Variants in ZSWIM4 observed in about 807,000 individuals in gnomAD.
The protein encoded by ZSWIM4 is zinc finger SWIM domain-containing protein 4.
ZSWIM4 carries 62 observed loss-of-function variants against 102.5 expected under a neutral mutation model. The ratio of observed to expected loss-of-function variants is 0.60; its 90% CI spans 0.49 to 0.75. The LOEUF (loss-of-function observed/expected upper bound fraction) is 0.75, where lower values mean the gene tolerates loss of function less well. ZSWIM4 is among the 30% of genes least tolerant of loss of function. The pLI, the probability that ZSWIM4 is intolerant of heterozygous loss-of-function variation, is 0.00. For missense variants in ZSWIM4, 1,280 were observed against 1,529.6 expected, an observed-to-expected ratio of 0.84 and a Z score of 2.72; for synonymous variants, 652 against 674.5, an observed-to-expected ratio of 0.97 and a Z score of 0.52.
chr19:13,800,653 C>G (rs1239870469), intron 2 of ZSWIM4, among the ~76,000 whole-genome samples: 2 of 152,232 alleles, frequency 1.3e-5, no homozygotes, highest in East Asian at 3.9e-4. Context: ...GTGATCCCCC[C>G]ACCTCGGCCT....
In ZSWIM4 at chr19:13,808,807, C is replaced by CTCAGCT. The variant is rs1223491218; in HGVS notation, c.713-26_713-21dup. On this transcript the variant is annotated intron_variant, in intron 3 of 13. Transcript: ENST00000590508. Reference sequence around the variant, plus strand: ...ACCCAACCCCAACTCCAGCCCCAGCCTCAGCTTCCTTTCCCTCCCTCCCGG... The same window carrying CTCAGCT: ...ACCCAACCCCAACTCCAGCCCCAGCCTCAGCTTCAGCTTCCTTTCCCTCCCTCCCGG... The CTCAGCT allele has an allele frequency of 1.9e-6, 3 of 1,567,440 alleles. No individual in the cohort carries two copies. In the East Asian group the frequency reaches 7.0e-5, roughly 37 times the overall value.
chr19:13,822,748 G>A (rs1212816403), intron 10 of ZSWIM4, among the ~76,000 whole-genome samples: 3 of 152,176 alleles, frequency 2.0e-5, no homozygotes, highest in Non-Finnish European at 4.4e-5. Context: ...GGGAGGCCGA[G>A]GAGGGCGGAT....
intron 2 of ZSWIM4, among the ~76,000 whole-genome samples, chr19:13,800,327 G>A (rs1200045042): frequency 3.9e-5 from 5 of 129,522 alleles, no homozygotes; most frequent in South Asian, 2.5e-4. Flanking sequence ...GTGCAGTGGC[G>A]CGATCTCGGC....
Position 13,795,569 on chromosome 19 carries a change from G to T in ZSWIM4, c.-80G>T. On this transcript the variant is annotated 5_prime_UTR_variant, in exon 1 of 14. Coordinates refer to ENST00000590508, the MANE Select transcript of ZSWIM4 (RefSeq NM_001367834.3). ...GGACGGGAAGGAGGGCAGGGGGCGCGGGAGCCGGCGAAGCGGAGCGGGCAT... is the reference window on the plus strand; with the variant it reads ...GGACGGGAAGGAGGGCAGGGGGCGCTGGAGCCGGCGAAGCGGAGCGGGCAT... The T allele has an allele frequency of 4.3e-6, 1 of 231,954 alleles. No individual in the cohort carries two copies. The highest frequency in any genetic ancestry group is 1.7e-4 in the South Asian group (1 of 5,882). 14.4% of individuals were successfully genotyped at this position (231,954 alleles called of 1,614,324 possible). A position where few individuals can be genotyped will look rare whatever the true frequency, so the allele number is the denominator to read the frequency against.
At chr19:13,823,207 C>A in intron 10 of ZSWIM4, 139 bp from the exon 11 acceptor site, 1 of 777,582 alleles carries the variant, frequency 1.3e-6, no homozygotes, top group Non-Finnish European at 2.1e-6. Context: ...ACATCTTGCA[C>A]ACACATCTTC....
Position 13,830,443 on chromosome 19 carries a change from C to T in ZSWIM4, c.2714C>T (p.Ala905Val), listed in dbSNP as rs780087615. 6.2e-6 allele frequency: 10 copies of T among 1,608,254 alleles called. No homozygotes were observed. The highest frequency in any genetic ancestry group is 1.1e-5 in the South Asian group (1 of 91,088). The change falls in exon 14 of 14, where the codon GCC becomes GTC. Residue 905 changes from alanine to valine, a missense_variant. Physicochemically the swap from Ala to Val is moderately conservative, Grantham distance 64 (BLOSUM62 0). Transcript: ENST00000590508. ...CEKNHSAFEAAYQIVLDAAAG... is the reference protein window; with the variant it reads ...CEKNHSAFEAVYQIVLDAAAG... ...AAGAACCACTCGGCCTTCGAGGCGG[C>T]CTACCAGATCGTGCTGGACGCGGCG...
At chr19:13,813,796 C>T (rs923299076) in intron 6 of ZSWIM4, among the ~76,000 whole-genome samples, 19 of 151,418 alleles carry the variant, frequency 1.3e-4, no homozygotes, top group Admixed American at 1.1e-3. Context: ...TGACGCACAC[C>T]TGGAATCCCG....
intron 3 of ZSWIM4, 91 bp from the exon 4 acceptor site, chr19:13,808,740 CAAAAA>C (rs755959483): frequency 4.9e-3 from 4,070 of 826,606 alleles, no homozygotes; most frequent in South Asian, 9.3e-3. Context: ...ACTCCGTCTC[CAAAAA>C]AAAAAAAAAA....
chr19:13,796,006 A>C (rs1599573042), intron 1 of ZSWIM4, among the ~76,000 whole-genome samples: 2 of 105,124 alleles, frequency 1.9e-5, no homozygotes, highest in African/African-American at 3.8e-5. Context: ...ACCCACCCCC[A>C]TCCCTTCTCT....
chr19:13,826,357 G>A (rs996357720), intron 12 of ZSWIM4, among the ~76,000 whole-genome samples: 2 of 152,088 alleles, frequency 1.3e-5, no homozygotes, highest in Non-Finnish European at 2.9e-5. Flanking sequence ...AGCTTCCTTG[G>A]GGGCAGGGCC....
chr19:13,830,300 A>G lies in ZSWIM4; in HGVS notation c.2571A>G (p.Arg857=), dbSNP rs746848834. 18 of 1,613,714 alleles carry G rather than the reference A, an allele frequency of 1.1e-5. No individual in the cohort carries two copies. The Admixed American group carries it at 3.0e-4, about 27-fold the overall frequency. ...VTGTTHATLL[R]LQLDTSRREE... ...GCACCACACACGCCACTCTGCTGCG[A>G]CTGCAGCTGGACACATCGCGGAGGG... is the stretch of plus-strand genomic sequence containing the variant. The change falls in exon 14 of 14, where the codon CGA becomes CGG. Residue 857 remains arginine, a synonymous_variant. Transcript: ENST00000590508.
Position 13,830,794 on chromosome 19 carries a change from T to C in ZSWIM4, c.3065T>C (p.Leu1022Pro). The stretch of plus-strand genomic sequence containing the variant: ...GGGGCACGCCGGGCCGCCAAGCCAC[T>C]GGGTGCCGACCGGGCGCCGCTCTGC... Reference protein sequence around the residue: ...PLGARRAAKPLGADRAPLCQL... With the variant: ...PLGARRAAKPPGADRAPLCQL... The change falls in exon 14 of 14, where the codon CTG (leucine) becomes CCG (proline). Residue 1022 changes from leucine (L) to proline (P), a missense_variant. By Grantham distance (98) the Leu-to-Pro change is moderately conservative. Coordinates refer to ENST00000590508, the MANE Select transcript of ZSWIM4 (RefSeq NM_001367834.3). 6.2e-7 allele frequency: 1 copy of C among 1,605,966 alleles called. No homozygotes were observed. The highest frequency in any genetic ancestry group is 8.5e-7 in the Non-Finnish European group (1 of 1,176,018).
In ZSWIM4 at chr19:13,825,655, C is replaced by A; in HGVS notation, c.2321C>A (p.Pro774Gln). The change falls in exon 12 of 14, where the codon CCG (proline) becomes CAG (glutamine). Residue 774 changes from proline to glutamine, a missense_variant. Transcript: ENST00000590508. The surrounding 1 kb of genome is among the most constrained non-coding windows in gnomAD (Gnocchi z 4.6). ...LAQDACKTAT[P>Q]VSAPPDTTLL... ...CAGGACGCCTGCAAGACAGCCACCC[C>A]GGTCAGCGCCCCACCAGACACCACG... is the stretch of plus-strand genomic sequence containing the variant. 1 of 1,613,570 alleles carries A rather than the reference C, an allele frequency of 6.2e-7. No homozygotes were observed. The highest frequency in any genetic ancestry group is 8.5e-7 in the Non-Finnish European group (1 of 1,180,028).
At chr19:13,822,163 TACACAC>T (rs59602194) in intron 10 of ZSWIM4, among the ~76,000 whole-genome samples, 13,159 of 142,174 alleles carry the variant, frequency 0.093, 588 homozygotes, top group African/African-American at 0.11. Context: ...CACACACACA[TACACAC>T]ACACACACAC....
rs1193293251 is a variant in ZSWIM4 at position 13,830,114 on chromosome 19, T to G, written c.2462-77T>G. The G allele has an allele frequency of 1.5e-5, 23 of 1,532,888 alleles. No individual in the cohort carries two copies. The Admixed American group carries it at 2.1e-4, about 14-fold the overall frequency. The allele number at this position is 1,532,888 out of a possible 1,614,324, so 95.0% of individuals were successfully genotyped here. ...GGAGGTGGAAGTGGAGGTGGCAGTGTCATGGTTAACCCACGCATACATGTA... is the reference window on the plus strand; with the variant it reads ...GGAGGTGGAAGTGGAGGTGGCAGTGGCATGGTTAACCCACGCATACATGTA... On this transcript the variant is annotated intron_variant, in intron 13 of 13. Transcript: ENST00000590508.
At chr19:13,804,257 G>A (rs62124250) in intron 2 of ZSWIM4, among the ~76,000 whole-genome samples, 71,320 of 151,634 alleles carry the variant, frequency 0.47, 19,786 homozygotes, top group African/African-American at 0.79. Context: ...GATCACCTGA[G>A]GCCAGGAGTT....
chr19:13,814,972 C>T (rs1042787084), intron 7 of ZSWIM4, 107 bp downstream of exon 7: 40 of 573,980 alleles, frequency 7.0e-5, no homozygotes, highest in Admixed American at 9.2e-5. Flanking sequence ...GCCTGGGCAA[C>T]ATAGTGAGAC....
In ZSWIM4 at chr19:13,804,242, A is replaced by G. The variant is rs1599583994; in HGVS notation, c.356-550A>G. ...TCCCTGCACTTTGGGAGGCTGAGGCAGGCGGATCACCTGAGGCCAGGAGTT... is the reference window on the plus strand; with the variant it reads ...TCCCTGCACTTTGGGAGGCTGAGGCGGGCGGATCACCTGAGGCCAGGAGTT... On this transcript the variant is annotated intron_variant, in intron 2 of 13. Transcript: ENST00000590508. 4.6e-5 allele frequency among the ~76,000 whole-genome samples: 7 copies of G among 152,084 alleles called. 1 individual carries two copies. Among genetic ancestry groups the G allele is most frequent in the African/African-American group, 1.7e-4 (7 of 41,556 alleles).
At chr19:13,804,676 G>A in intron 2 of ZSWIM4, 116 bp from the exon 3 acceptor site, 2 of 793,502 alleles carry the variant, frequency 2.5e-6, no homozygotes, top group Non-Finnish European at 4.0e-6. Context: ...AGTGAGTGAG[G>A]TGACTTGTGC....
Sources: allele counts gnomAD v4.1 joint callset (sites outside exome capture counted in the v4.1 genomes callset), GRCh38; gene constraint gnomAD v4.1.1; non-coding constraint Gnocchi (gnomAD v3.1); transcripts MANE v1.5; gene names NCBI Gene and HGNC (gene_info 2026-07-23, HGNC 2026-07-21).